LRRC71: variants seen among roughly 807,000 people sequenced by gnomAD.
The protein encoded by LRRC71 is leucine rich repeat containing 71, also known as leucine-rich repeat-containing protein 71.
LRRC71 carries 54 observed loss-of-function variants against 66.6 expected under a neutral mutation model. That is an observed-to-expected ratio of 0.81 (90% CI 0.65 to 1.02). LRRC71 has a LOEUF of 1.02. LRRC71 is among the 50% of genes least tolerant of loss of function. The pLI is 0.00. For synonymous variants in LRRC71, 323 were observed against 303.9 expected, an observed-to-expected ratio of 1.06 and a Z score of -0.65; for missense variants, 724 against 718.0, an observed-to-expected ratio of 1.01 and a Z score of -0.10.
intron 1 of LRRC71, among the ~76,000 whole-genome samples, chr1:156,922,195 TAATTAA>T (rs1328076200): frequency 6.6e-6 from 1 of 152,138 alleles, no homozygotes; most frequent in East Asian, 1.9e-4. Flanking sequence ...TGTTCTGGCA[TAATTAA>T]GTCCTGGCAA....
Position 156,927,276 on chromosome 1 carries a change from A to T in LRRC71, c.662+6A>T. ...CTCATGGCCTTGGACAGCACGTGAG[A>T]CTCCCTGCCCTCACCCCCTTTCTCT... On this transcript the variant is annotated splice_donor_region_variant and intron_variant, in intron 6 of 14. Coordinates refer to ENST00000337428, the MANE Select transcript of LRRC71 (RefSeq NM_144702.3). The T allele has an allele frequency of 6.2e-7, 1 of 1,612,450 alleles. No homozygotes were observed. The highest frequency in any genetic ancestry group is 8.5e-7 in the Non-Finnish European group (1 of 1,179,212).
chr1:156,924,791 C>T, intron 4 of LRRC71, 73 bp downstream of exon 4: 1 of 1,527,984 alleles, frequency 6.5e-7, no homozygotes, highest in Non-Finnish European at 8.9e-7. Context: ...GGAGAGAGAA[C>T]CAAGGGGCAT....
intron 9 of LRRC71, among the ~76,000 whole-genome samples, chr1:156,928,411 T>TTCTTCTTCTTCTTCTTCTTCTTCTTCC (rs1653667357): frequency 6.5e-5 from 8 of 122,368 alleles, no homozygotes. Context: ...CTTCTTCCTC[T>TTCTTCTTCTTCTTCTTCTTCTTCTTCC]TATTCCTCCT....
intron 12 of LRRC71, among the ~76,000 whole-genome samples, chr1:156,931,448 ATTTCT>A: frequency 6.6e-6 from 1 of 152,192 alleles, no homozygotes; most frequent in South Asian, 2.1e-4. Flanking sequence ...GACTACTGCA[ATTTCT>A]TTTCATCATG....
chr1:156,921,920 G>A (rs569508926), intron 1 of LRRC71, among the ~76,000 whole-genome samples: 29 of 152,260 alleles, frequency 1.9e-4, no homozygotes, highest in Admixed American at 7.8e-4. Context: ...ACACTTTTGA[G>A]GTAGAAGTAA....
chr1:156,939,971 C>T, the LRRC71 span: 55 of 1,576,918 alleles, frequency 3.5e-5, 1 homozygote, highest in African/African-American at 3.3e-4. Flanking sequence ...CCAGAAGGAT[C>T]GTTGTACTGC....
intron 1 of LRRC71, among the ~76,000 whole-genome samples, chr1:156,923,621 G>T (rs773462791): frequency 1.3e-5 from 2 of 152,194 alleles, no homozygotes; most frequent in Admixed American, 6.5e-5. Context: ...AGGAGGCTGG[G>T]CTGGGGACAC....
chr1:156,927,722 C>T lies in LRRC71; in HGVS notation c.823-11C>T. 1 of 1,607,926 alleles carries T rather than the reference C, an allele frequency of 6.2e-7. No homozygotes were observed. The highest frequency in any genetic ancestry group is 8.5e-7 in the Non-Finnish European group (1 of 1,179,604). On this transcript the variant is annotated splice_polypyrimidine_tract_variant and intron_variant, in intron 7 of 14. Coordinates refer to ENST00000337428, the MANE Select transcript of LRRC71 (RefSeq NM_144702.3). ...GCTTGGGCGGCTCACGCGTCCCTGC[C>T]CGCCTCTTAGGGCCTCCGGCTGAAC... is the stretch of plus-strand genomic sequence containing the variant.
intron 1 of LRRC71, 58 bp from the exon 2 acceptor site, chr1:156,923,891 C>T (rs1652768904): frequency 2.1e-6 from 3 of 1,416,306 alleles, no homozygotes; most frequent in Non-Finnish European, 2.8e-6. Flanking sequence ...CGCGGGAGAG[C>T]TTGGGGATGC....
At chr1:156,938,466 G>A in the LRRC71 span, 1 of 1,613,868 alleles carries the variant, frequency 6.2e-7, no homozygotes, top group Non-Finnish European at 8.5e-7. Flanking sequence ...GGCTCTGACT[G>A]GCCACTCTCT....
At chr1:156,934,132 C>T (rs771418506), downstream of LRRC71, among the ~76,000 whole-genome samples, 1 of 152,196 alleles carries the variant, frequency 6.6e-6, no homozygotes, top group Non-Finnish European at 1.5e-5. Context: ...TTGCCATGTC[C>T]TCCAGAGCTT....
chr1:156,924,936 A>G lies in LRRC71; in HGVS notation c.516-2A>G. The G allele has an allele frequency of 6.4e-7, 1 of 1,551,678 alleles. No homozygotes were observed. Among genetic ancestry groups the G allele is most frequent in the Non-Finnish European group, 8.7e-7 (1 of 1,146,978 alleles). On this transcript the variant is annotated splice_acceptor_variant, in intron 4 of 14. Coordinates refer to ENST00000337428, the MANE Select transcript of LRRC71 (RefSeq NM_144702.3). LOFTEE classifies it high-confidence loss of function. ...TGTTTCTGCACTTCCCGCCCACGAC[A>G]GCTTGTGGAAGGTGGGGCTGACCGA...
At chr1:156,925,516 A>G (rs1036353867) in intron 5 of LRRC71, among the ~76,000 whole-genome samples, 1 of 152,242 alleles carries the variant, frequency 6.6e-6, no homozygotes, top group Non-Finnish European at 1.5e-5. Context: ...GATGTGAGGC[A>G]GGAAGACCTG....
rs1652235092 is a variant in LRRC71 at position 156,920,792 on chromosome 1, GACA to G, written c.-8_-6del. 2 of 1,507,328 alleles carry G rather than the reference GACA, an allele frequency of 1.3e-6. No homozygotes were observed. The highest frequency in any genetic ancestry group is 1.8e-6 in the Non-Finnish European group (2 of 1,124,696). 93.4% of individuals were successfully genotyped at this position (1,507,328 alleles called of 1,614,324 possible). A position where few individuals can be genotyped will look rare whatever the true frequency, so the allele number is the denominator to read the frequency against. ...CGACGAAGGTCCCAGAGACGCTGCGGACAACACCAGCATGTCGAGCGAGCAGAG... is the reference window on the plus strand; with the variant it reads ...CGACGAAGGTCCCAGAGACGCTGCGGACACCAGCATGTCGAGCGAGCAGAG... On this transcript the variant is annotated 5_prime_UTR_variant, in exon 1 of 15. Transcript: ENST00000337428. This position sits in a 1 kb window ranked among gnomAD's most constrained non-coding sequence, Gnocchi z 4.9.
intron 12 of LRRC71, 115 bp from the exon 13 acceptor site, chr1:156,931,801 C>A: frequency 1.2e-6 from 1 of 815,214 alleles, no homozygotes; most frequent in Non-Finnish European, 2.0e-6. Context: ...GCACTTGGGA[C>A]AAAGCCTGGA....
chr1:156,930,463 T>C, intron 11 of LRRC71, 66 bp from the exon 12 acceptor site: 1 of 1,420,274 alleles, frequency 7.0e-7, no homozygotes, highest in Non-Finnish European at 9.7e-7. Flanking sequence ...CTGTTTTCTC[T>C]GGGGAGGGAG....
In LRRC71 at chr1:156,927,483, C is replaced by T. The variant is rs780421209; in HGVS notation, c.663-13C>T. 6.6e-6 allele frequency: 10 copies of T among 1,522,298 alleles called. No individual in the cohort carries two copies. Among genetic ancestry groups the T allele is most frequent in the Non-Finnish European group, 8.8e-6 (10 of 1,136,088 alleles). 94.3% of individuals were successfully genotyped at this position (1,522,298 alleles called of 1,614,324 possible). On this transcript the variant is annotated splice_polypyrimidine_tract_variant and intron_variant, in intron 6 of 14. Transcript: ENST00000337428. ...TTTTCCAGCGACCCACATTCTCCCT[C>T]CGGCTGCCCCAGGATTGCGCACTTG...
At chr1:156,928,035 G>A (rs775429443) in intron 9 of LRRC71, 31 bp downstream of exon 9, 5 of 1,561,256 alleles carry the variant, frequency 3.2e-6, no homozygotes, top group African/African-American at 1.4e-5. Flanking sequence ...AGGACCAGCC[G>A]AGAGCCCCTC....
the LRRC71 span, chr1:156,939,433 G>C: frequency 6.9e-7 from 1 of 1,455,456 alleles, no homozygotes; most frequent in East Asian, 2.3e-5. Flanking sequence ...CCCAGCGTAG[G>C]TCTCTGCTCA....
Sources: allele counts gnomAD v4.1 joint callset (sites outside exome capture counted in the v4.1 genomes callset), GRCh38; gene constraint gnomAD v4.1.1; non-coding constraint Gnocchi (gnomAD v3.1); transcripts MANE v1.5; gene names NCBI Gene and HGNC (gene_info 2026-07-23, HGNC 2026-07-21).